The following GRIA2 variants were observed in gnomAD, a reference collection of about 807,000 sequenced individuals.
GRIA2 encodes glutamate receptor 2.
A neutral mutation model predicts 97.3 loss-of-function variants in GRIA2; 14 were observed. That is an observed-to-expected ratio of 0.14 (90% CI 0.10 to 0.23). GRIA2 has a LOEUF of 0.23. Among genes scored for constraint, GRIA2 ranks in the 10% least tolerant of loss-of-function variants. The probability of loss-of-function intolerance (pLI) is 1.00; values close to 1 mark genes in which losing one functional copy is unlikely to be tolerated. For synonymous variants in GRIA2, 412 were observed against 387.8 expected, an observed-to-expected ratio of 1.06 and a Z score of -0.73; for missense variants, 558 against 1,069.8, an observed-to-expected ratio of 0.52 and a Z score of 6.67.
At chr4:157,259,830 G>C (rs1016282826) in intron 2 of GRIA2, among the ~76,000 whole-genome samples, 7 of 152,122 alleles carry the variant, frequency 4.6e-5, no homozygotes, top group Admixed American at 3.3e-4. Flanking sequence ...TCACTGCCAG[G>C]TAACACCATT....
intron 2 of GRIA2, among the ~76,000 whole-genome samples, chr4:157,241,028 A>AG (rs1473761032): frequency 6.6e-6 from 1 of 152,144 alleles, no homozygotes; most frequent in Non-Finnish European, 1.5e-5. Context: ...GTCCCTACAA[A>AG]GGACATGAAC....
chr4:157,341,621 C>G (rs1322623016), intron 12 of GRIA2, among the ~76,000 whole-genome samples, 159 bp downstream of exon 12: 1 of 152,046 alleles, frequency 6.6e-6, no homozygotes, highest in East Asian at 1.9e-4. Flanking sequence ...CTTCCCTATC[C>G]TGATACTTCG....
rs761989442 is a variant in GRIA2, at chr4:157,362,783, CAT to C, written c.2407-12_2407-11del. ...GTTTGCCTTCCTAATAACCTCTTCTCATATACATTCTTTAGGAAAAGACCAGT... is the reference window on the plus strand; with the variant it reads ...GTTTGCCTTCCTAATAACCTCTTCTCATACATTCTTTAGGAAAAGACCAGT... On this transcript the variant is annotated splice_polypyrimidine_tract_variant and intron_variant, in intron 14 of 15. Transcript: ENST00000264426. The C allele has an allele frequency of 1.6e-5, 25 of 1,605,318 alleles. No homozygotes were observed. The highest frequency in any genetic ancestry group is 1.7e-4 in the Middle Eastern group (1 of 5,954).
At chr4:157,239,136 G>A (rs149152291) in intron 2 of GRIA2, among the ~76,000 whole-genome samples, 14 of 152,116 alleles carry the variant, frequency 9.2e-5, no homozygotes, top group African/African-American at 2.9e-4. Context: ...ACATCAGCTT[G>A]GATGTCATTG....
At chr4:157,254,489 G>C (rs1731155187) in intron 2 of GRIA2, among the ~76,000 whole-genome samples, 1 of 152,014 alleles carries the variant, frequency 6.6e-6, no homozygotes, top group South Asian at 2.1e-4. Flanking sequence ...ATAGTCTATA[G>C]TCCGGAAAGA....
intron 11 of GRIA2, among the ~76,000 whole-genome samples, chr4:157,338,004 A>G (rs533843131): frequency 0.015 from 1,643 of 107,338 alleles, 12 homozygotes; most frequent in Non-Finnish European, 0.022. Flanking sequence ...GTGTATATAT[A>G]TGTGTATATA....
intron 2 of GRIA2, among the ~76,000 whole-genome samples, chr4:157,257,220 T>C (rs1359208408): frequency 1.3e-5 from 2 of 152,082 alleles, no homozygotes; most frequent in Non-Finnish European, 2.9e-5. Context: ...AATCTATCAC[T>C]TTTTTATCCC....
rs191902609 is a variant in GRIA2 at position 157,230,495 on chromosome 4, A to C, written c.229+8688A>C. ...AGAATTTGCAACTCGAAATTAATTC[A>C]TTCCTTCCTTCCTTCCTTCTTTCCT... On this transcript the variant is annotated intron_variant, in intron 2 of 15. Coordinates refer to ENST00000264426, the MANE Select transcript of GRIA2 (RefSeq NM_001083619.3). 1.0e-3 allele frequency among the ~76,000 whole-genome samples: 156 copies of C among 151,626 alleles called. No individual in the cohort carries two copies. The East Asian group carries it at 0.01, about 10-fold the overall frequency.
chr4:157,290,766 C>A (rs1733061649), intron 2 of GRIA2, among the ~76,000 whole-genome samples: 1 of 151,532 alleles, frequency 6.6e-6, no homozygotes, highest in African/African-American at 2.4e-5. Context: ...TCTGGTTCTC[C>A]CCAGCTTGTT....
Position 157,361,227 on chromosome 4 carries a change from A to G in GRIA2, c.2406+103A>G. The G allele has an allele frequency of 1.2e-6, 1 of 830,230 alleles. No homozygotes were observed. Among genetic ancestry groups the G allele is most frequent in the Non-Finnish European group, 2.0e-6 (1 of 509,952 alleles). 51.4% of individuals were successfully genotyped at this position (830,230 alleles called of 1,614,324 possible). On this transcript the variant is annotated intron_variant, in intron 14 of 15. Coordinates refer to ENST00000264426, the MANE Select transcript of GRIA2 (RefSeq NM_001083619.3). The surrounding 1 kb of genome is among the most constrained non-coding windows in gnomAD (Gnocchi z 5.2). ...CCGTGCCACCAAGTTTCCAACGCTAAGCTGAAGAGTGCAATTGGATGACCA... is the reference window on the plus strand; with the variant it reads ...CCGTGCCACCAAGTTTCCAACGCTAGGCTGAAGAGTGCAATTGGATGACCA...
At chr4:157,256,027 T>C (rs1330618705) in intron 2 of GRIA2, among the ~76,000 whole-genome samples, 1 of 150,500 alleles carries the variant, frequency 6.6e-6, no homozygotes, top group Non-Finnish European at 1.5e-5. Flanking sequence ...TAAAAATTCT[T>C]GATTCTTTTA....
At chr4:157,303,980 C>G (rs1200384468) in intron 3 of GRIA2, among the ~76,000 whole-genome samples, 189 bp downstream of exon 3, 1 of 152,116 alleles carries the variant, frequency 6.6e-6, no homozygotes, top group Admixed American at 6.5e-5. Context: ...ACAACAACAA[C>G]TACAAAAGCT....
At position 157,364,806 on chromosome 4, in the gene GRIA2, A is replaced by C. The variant is rs1177049514; in HGVS notation, c.*1375A>C. On this transcript the variant is annotated 3_prime_UTR_variant, in exon 16 of 16. Coordinates refer to ENST00000264426, the MANE Select transcript of GRIA2 (RefSeq NM_001083619.3). ...TAGTTTCATCCCATTGACATCAATT[A>C]AAAATAACCCTAATATATTATTTTT... is the stretch of plus-strand genomic sequence containing the variant. 6.6e-6 allele frequency: 1 copy of C among 152,116 alleles called. No homozygotes were observed. Among genetic ancestry groups the C allele is most frequent in the African/African-American group, 2.4e-5 (1 of 41,418 alleles). 9.4% of individuals were successfully genotyped at this position (152,116 alleles called of 1,614,324 possible). A position where few individuals can be genotyped will look rare whatever the true frequency, so the allele number is the denominator to read the frequency against.
In GRIA2 at chr4:157,221,819, A is replaced by C. The variant is rs1212363701; in HGVS notation, c.229+12A>C. On this transcript the variant is annotated intron_variant, in intron 2 of 15. Transcript: ENST00000264426. ...AGTCACTAATGCTTGTAAGTAATGA[A>C]TATTCATGCCTTTCGGGTGCTGCAC... The C allele has an allele frequency of 6.2e-7, 1 of 1,613,046 alleles. No homozygotes were observed. Among genetic ancestry groups the C allele is most frequent in the Admixed American group, 1.7e-5 (1 of 60,010 alleles).
intron 2 of GRIA2, among the ~76,000 whole-genome samples, chr4:157,256,363 T>C (rs2126756517): frequency 6.8e-6 from 1 of 147,036 alleles, no homozygotes; most frequent in South Asian, 2.1e-4. Flanking sequence ...TCTCACTGTT[T>C]TATGTGTTTT....
chr4:157,283,935 AC>A (rs1468419929), intron 2 of GRIA2, among the ~76,000 whole-genome samples: 1 of 151,902 alleles, frequency 6.6e-6, no homozygotes, highest in African/African-American at 2.4e-5. Context: ...CTAGTTAATG[AC>A]CTGCTTTTTG....
intron 2 of GRIA2, among the ~76,000 whole-genome samples, chr4:157,282,049 T>C (rs1370194423): frequency 6.6e-6 from 1 of 152,174 alleles, no homozygotes; most frequent in Non-Finnish European, 1.5e-5. Context: ...ATGTTTTCAC[T>C]AACACAACAC....
chr4:157,361,683 C>A lies in GRIA2; in HGVS notation c.2406+559C>A. The A allele has an allele frequency of 6.9e-7, 1 of 1,445,842 alleles. No individual in the cohort carries two copies. Among genetic ancestry groups the A allele is most frequent in the Non-Finnish European group, 9.7e-7 (1 of 1,028,588 alleles). The allele number at this position is 1,445,842 out of a possible 1,614,324, so 89.6% of individuals were successfully genotyped here. On this transcript the variant is annotated intron_variant, in intron 14 of 15. Coordinates refer to ENST00000264426, the MANE Select transcript of GRIA2 (RefSeq NM_001083619.3). This position sits in a 1 kb window ranked among gnomAD's most constrained non-coding sequence, Gnocchi z 5.2. ...TTGCTGCAGGTTTTATGTGAAAAAA[C>A]AAAATCAAACACAAACAGCAAAATC...
chr4:157,361,025 C>G lies in GRIA2; in HGVS notation c.2307C>G (p.Leu769=). The change falls in exon 14 of 16, where the codon CTC becomes CTG. Residue 769 remains leucine, a synonymous_variant. Transcript: ENST00000264426. This position sits in a 1 kb window ranked among gnomAD's most constrained non-coding sequence, Gnocchi z 5.2. ...TCGTTTCAAGAAATGCGGTTAACCT[C>G]GCAGTACTAAAACTGAATGAACAAG... The part of the protein sequence containing the change: ...KGSSLRNAVN[L]AVLKLNEQGL... 1 of 1,610,420 alleles carries G rather than the reference C, an allele frequency of 6.2e-7. No individual in the cohort carries two copies. The highest frequency in any genetic ancestry group is 8.5e-7 in the Non-Finnish European group (1 of 1,176,778).
Sources: allele counts gnomAD v4.1 joint callset (sites outside exome capture counted in the v4.1 genomes callset), GRCh38; gene constraint gnomAD v4.1.1; non-coding constraint Gnocchi (gnomAD v3.1); transcripts MANE v1.5; gene names NCBI Gene and HGNC (gene_info 2026-07-23, HGNC 2026-07-21).